The following DNMT3B variants were observed in gnomAD, a reference collection of about 807,000 sequenced individuals.
DNMT3B encodes DNA (cytosine-5)-methyltransferase 3B.
Under a neutral mutation model 120.2 loss-of-function variants are expected in DNMT3B, and 37 were observed. That is an observed-to-expected ratio of 0.31 (90% confidence interval 0.24 to 0.40). The LOEUF (loss-of-function observed/expected upper bound fraction) is 0.40, where lower values mean the gene tolerates loss of function less well. DNMT3B is among the 10% of genes least tolerant of loss of function. DNMT3B has a pLI of 1.00. For synonymous variants in DNMT3B, 412 were observed against 442.8 expected, an observed-to-expected ratio of 0.93 and a Z score of 0.87; for missense variants, 878 against 1,137.3, an observed-to-expected ratio of 0.77 and a Z score of 3.28.
intron 1 of DNMT3B, chr20:32,779,742 A>C: frequency 4.4e-5 from 13 of 294,526 alleles, no homozygotes; most frequent in Non-Finnish European, 6.1e-5. Context: ...CAGCAGACCA[A>C]TGGGCCCTGG....
At chr20:32,772,337 G>A (rs1003908085) in intron 1 of DNMT3B, among the ~76,000 whole-genome samples, 2 of 152,184 alleles carry the variant, frequency 1.3e-5, no homozygotes, top group African/African-American at 4.8e-5. Context: ...GGCTTAAGAT[G>A]ACTAAATACT....
intron 22 of DNMT3B, 50 bp downstream of exon 22, chr20:32,806,377 A>C: frequency 1.3e-6 from 2 of 1,485,788 alleles, no homozygotes; most frequent in Non-Finnish European, 1.9e-6. Context: ...CAAAACACAA[A>C]TGGGCAGACA....
At chr20:32,804,320 C>T (rs1340380192) in intron 20 of DNMT3B, among the ~76,000 whole-genome samples, 1 of 152,260 alleles carries the variant, frequency 6.6e-6, no homozygotes, top group East Asian at 1.9e-4. Flanking sequence ...GTGCAGTGTC[C>T]TTTTCTTCTG....
At position 32,786,487 on chromosome 20, in the gene DNMT3B, C is replaced by G. The variant is rs150718732; in HGVS notation, c.307-15C>G. On this transcript the variant is annotated splice_polypyrimidine_tract_variant and intron_variant, in intron 4 of 22. Coordinates refer to ENST00000328111, the MANE Select transcript of DNMT3B (RefSeq NM_006892.4). The stretch of plus-strand genomic sequence containing the variant: ...AGTCACCTAAGGCCCAGTGAGTGTC[C>G]TCTCTTGCTTCTAGGTCCGAACTCG... 208 of 1,614,016 alleles carry G rather than the reference C, an allele frequency of 1.3e-4. 1 individual carries two copies. The East Asian group carries it at 4.0e-3, about 31-fold the overall frequency.
At chr20:32,780,692 A>T (rs1255807339) in intron 2 of DNMT3B, among the ~76,000 whole-genome samples, 2 of 152,138 alleles carry the variant, frequency 1.3e-5, no homozygotes, top group Non-Finnish European at 2.9e-5. Context: ...TGAGCGTGAC[A>T]CAAGGGTGAT....
At chr20:32,803,704 C>T (rs1403681984) in intron 20 of DNMT3B, among the ~76,000 whole-genome samples, 1 of 152,130 alleles carries the variant, frequency 6.6e-6, no homozygotes, top group East Asian at 1.9e-4. Flanking sequence ...GGGATGGACC[C>T]ATGCAGTTAT....
chr20:32,790,545 C>T (rs1218373609), intron 7 of DNMT3B, among the ~76,000 whole-genome samples: 1 of 152,124 alleles, frequency 6.6e-6, no homozygotes, highest in East Asian at 1.9e-4. Flanking sequence ...CCCACCAGAG[C>T]CACAGTGTTT....
At chr20:32,769,079 CTG>C (rs1987559891) in intron 1 of DNMT3B, among the ~76,000 whole-genome samples, 1 of 152,156 alleles carries the variant, frequency 6.6e-6, no homozygotes. Flanking sequence ...CATTAAAACA[CTG>C]TTGCAAATTT....
chr20:32,780,500 C>A lies in DNMT3B; in HGVS notation c.142+35C>A, dbSNP rs529125414. On this transcript the variant is annotated intron_variant, in intron 2 of 22. Transcript: ENST00000328111. ...CAGTGGGGACTGGGGTGGTGTCAGG[C>A]GCTGACATAGTGAGCGGTCACTGCA... 43 of 1,606,516 alleles carry A rather than the reference C, an allele frequency of 2.7e-5. No homozygotes were observed. In the South Asian group the frequency reaches 4.7e-4, roughly 18 times the overall value.
intron 2 of DNMT3B, 64 bp from the exon 3 acceptor site, chr20:32,781,289 C>T: frequency 6.3e-7 from 1 of 1,583,610 alleles, no homozygotes. Context: ...CCCCTATTAG[C>T]AAGGCCGTTC....
rs1000850175 is a variant in DNMT3B at position 32,771,501 on chromosome 20, C to T, written c.-7+8802C>T. Among the ~76,000 whole-genome samples, 78 of 151,882 alleles carry T rather than the reference C, an allele frequency of 5.1e-4. 4 individuals carry two copies. The highest frequency in any genetic ancestry group is 5.9e-5 in the Non-Finnish European group (4 of 67,986). On this transcript the variant is annotated intron_variant, in intron 1 of 22. Transcript: ENST00000328111. ...ACTAAAAATACAAAAATTAGCCGGG[C>T]GTGGTGGCATGTGCCTGTAATCCCA...
intron 4 of DNMT3B, among the ~76,000 whole-genome samples, 184 bp from the exon 5 acceptor site, chr20:32,786,318 C>T (rs1415217724): frequency 6.6e-6 from 1 of 152,238 alleles, no homozygotes; most frequent in Non-Finnish European, 1.5e-5. Flanking sequence ...ACCTCTATTC[C>T]AAGAACTGGG....
intron 1 of DNMT3B, among the ~76,000 whole-genome samples, chr20:32,763,066 C>G (rs1987071974): frequency 2.0e-5 from 3 of 152,052 alleles, no homozygotes; most frequent in Admixed American, 2.0e-4. Context: ...AGGAGGTGCC[C>G]GTCGAGAGCA....
At position 32,808,367 on chromosome 20, in the gene DNMT3B, C is replaced by T. The variant is rs1982189626; in HGVS notation, c.*464C>T. On this transcript the variant is annotated 3_prime_UTR_variant, in exon 23 of 23. Transcript: ENST00000328111. ...ACTGCTCTGTGTTTACAGACGTGTG[C>T]AGTTGTAGGCATGTAGCTACAGGAC... The T allele has an allele frequency of 5.2e-5, 14 of 269,952 alleles. No individual in the cohort carries two copies. The South Asian group carries it at 1.4e-3, about 26-fold the overall frequency. The allele number at this position is 269,952 out of a possible 1,614,324, so 16.7% of individuals were successfully genotyped here.
At chr20:32,798,434 T>TCC in intron 14 of DNMT3B, 26 bp from the exon 15 acceptor site, 1 of 1,613,956 alleles carries the variant, frequency 6.2e-7, no homozygotes, top group Non-Finnish European at 8.5e-7. Context: ...GACAAAGGCA[T>TCC]CCCTTCTCCC....
intron 1 of DNMT3B, among the ~76,000 whole-genome samples, chr20:32,776,118 A>G (rs549179952): frequency 4.3e-4 from 65 of 152,070 alleles, no homozygotes; most frequent in African/African-American, 1.5e-3. Context: ...AATCCCAGCT[A>G]CTCGGGAGGC....
chr20:32,794,371 A>AACAAAC, intron 10 of DNMT3B, among the ~76,000 whole-genome samples: 2 of 150,128 alleles, frequency 1.3e-5, no homozygotes, highest in African/African-American at 4.9e-5. Flanking sequence ...AAAAACCAAA[A>AACAAAC]CAGAAACAAA....
rs767000333 is a variant in DNMT3B at position 32,796,811 on chromosome 20, G to A, written c.1319G>A (p.Arg440Lys). The change falls in exon 13 of 23, where the codon AGG (arginine) becomes AAG (lysine). Residue 440 changes from arginine (R) to lysine (K), a missense_variant. Physicochemically the swap from Arg to Lys is conservative, Grantham distance 26 (BLOSUM62 2). Transcript: ENST00000328111. The part of the protein sequence containing the change: ...SLEDGCLSCG[R>K]KNPVSFHPLF... ...ACAGATGGCTGTTTGTCTTGTGGCAGGAAAAACCCCGTGTCCTTCCACCCT... is the reference window on the plus strand; with the variant it reads ...ACAGATGGCTGTTTGTCTTGTGGCAAGAAAAACCCCGTGTCCTTCCACCCT... 6.2e-7 allele frequency: 1 copy of A among 1,614,206 alleles called. No homozygotes were observed. The highest frequency in any genetic ancestry group is 1.1e-5 in the South Asian group (1 of 91,090).
intron 1 of DNMT3B, among the ~76,000 whole-genome samples, chr20:32,770,147 C>T (rs554859485): frequency 6.6e-6 from 1 of 152,122 alleles, no homozygotes; most frequent in Non-Finnish European, 1.5e-5. Flanking sequence ...GGGTCTTGCT[C>T]TGTCACTCAG....
Sources: gnomAD v4.1 joint callset for allele counts (sites outside exome capture counted in the v4.1 genomes callset) on GRCh38, gnomAD v4.1.1 for gene constraint, MANE v1.5 for transcripts, NCBI Gene and HGNC (gene_info 2026-07-23, HGNC 2026-07-21) for gene names.